Variants in CTNNA3 observed in about 807,000 individuals in gnomAD.
CTNNA3 encodes catenin alpha 3, also known as catenin alpha-3.
CTNNA3 carries 76 observed loss-of-function variants against 95.7 expected under a neutral mutation model. The observed-to-expected ratio is 0.79, with a 90% CI of 0.66 to 0.96. The LOEUF is 0.96. Ranked by LOEUF, CTNNA3 falls within the 40% of genes least tolerant of loss-of-function variation. CTNNA3 has a pLI of 0.00. For synonymous variants in CTNNA3, 431 were observed against 374.4 expected (o/e 1.15, Z -1.74); for missense variants, 1,191 against 1,089.8 (o/e 1.09, Z -1.31).
intron 3 of CTNNA3, among the ~76,000 whole-genome samples, chr10:67,574,496 C>T (rs1842079875): frequency 6.6e-6 from 1 of 152,040 alleles, no homozygotes; most frequent in Admixed American, 6.6e-5. Flanking sequence ...TCCACTTCCT[C>T]CCCCTTTACT....
chr10:66,993,215 G>C (rs926526907), intron 7 of CTNNA3, among the ~76,000 whole-genome samples: 3 of 152,128 alleles, frequency 2.0e-5, no homozygotes, highest in Non-Finnish European at 4.4e-5. Context: ...GTATCTCTAT[G>C]TGGCTATTTG....
At chr10:66,200,489 C>T (rs183909793) in intron 13 of CTNNA3, among the ~76,000 whole-genome samples, 15 of 152,140 alleles carry the variant, frequency 9.9e-5, no homozygotes, top group Admixed American at 2.0e-4. Flanking sequence ...TGTACTGAAG[C>T]GGTTTGAATA....
intron 11 of CTNNA3, among the ~76,000 whole-genome samples, chr10:66,476,903 T>C (rs1839346346): frequency 6.6e-6 from 1 of 152,084 alleles, no homozygotes; most frequent in African/African-American, 2.4e-5. Context: ...GAAATCTAGA[T>C]ATTTTTCTCA....
chr10:67,107,492 A>G (rs1858705426), intron 7 of CTNNA3, among the ~76,000 whole-genome samples: 1 of 152,238 alleles, frequency 6.6e-6, no homozygotes, highest in Non-Finnish European at 1.5e-5. Context: ...TTTAGAAGCT[A>G]ATAATTGTAA....
chr10:67,742,294 A>C (rs1841344801), intron 1 of CTNNA3, among the ~76,000 whole-genome samples: 1 of 151,304 alleles, frequency 6.6e-6, no homozygotes, highest in African/African-American at 2.4e-5. Context: ...AAATTATAAC[A>C]AACTGTCTCT....
intron 7 of CTNNA3, among the ~76,000 whole-genome samples, chr10:66,809,300 C>T (rs1296311779): frequency 1.3e-5 from 2 of 152,074 alleles, no homozygotes; most frequent in African/African-American, 4.8e-5. Flanking sequence ...AGGAACATAG[C>T]ATTTATTTCC....
intron 11 of CTNNA3, among the ~76,000 whole-genome samples, chr10:66,414,239 G>A (rs12255268): frequency 0.12 from 17,860 of 152,116 alleles, 1,522 homozygotes; most frequent in African/African-American, 0.24. Context: ...TGACTAGGGA[G>A]CATTTTGTAC....
At chr10:67,113,318 A>G (rs142584975) in intron 7 of CTNNA3, among the ~76,000 whole-genome samples, 1 of 152,228 alleles carries the variant, frequency 6.6e-6, no homozygotes, top group East Asian at 1.9e-4. Flanking sequence ...ATGCCCACGT[A>G]CCATTATCTC....
intron 13 of CTNNA3, among the ~76,000 whole-genome samples, chr10:66,259,748 A>G (rs1043138863): frequency 6.6e-6 from 1 of 152,124 alleles, no homozygotes; most frequent in Non-Finnish European, 1.5e-5. Flanking sequence ...TATATTGACT[A>G]TTACATAACT....
chr10:67,219,546 T>TTTA (rs1015709972), intron 6 of CTNNA3, 61 bp downstream of exon 6: 25 of 1,493,974 alleles, frequency 1.7e-5, no homozygotes, highest in Middle Eastern at 1.8e-4. Flanking sequence ...CTTCTTCTGT[T>TTTA]TTATTATTAT....
intron 13 of CTNNA3, among the ~76,000 whole-genome samples, chr10:66,109,639 T>C (rs2082042727): frequency 6.6e-6 from 1 of 152,098 alleles, no homozygotes; most frequent in Non-Finnish European, 1.5e-5. Context: ...AAGTTAAAAA[T>C]AAATTTACTT....
At position 66,053,256 on chromosome 10, in the gene CTNNA3, A is replaced by T. The variant is rs371713328; in HGVS notation, c.2159+16052T>A. 2.0e-4 allele frequency among the ~76,000 whole-genome samples: 30 copies of T among 152,152 alleles called. No homozygotes were observed. In the East Asian group the frequency reaches 2.1e-3, roughly 11 times the overall value. ...TTAATTCAATATTGTTTTTATAACT[A>T]CCTACCAATCACCATCTCAAAGAAA... is the stretch of plus-strand genomic sequence containing the variant. On this transcript the variant is annotated intron_variant, in intron 15 of 17. Transcript: ENST00000433211.
intron 11 of CTNNA3, among the ~76,000 whole-genome samples, chr10:66,381,235 T>G (rs1333166099): frequency 4.6e-5 from 7 of 152,180 alleles, no homozygotes; most frequent in African/African-American, 1.7e-4. Context: ...CTGAACAGTC[T>G]GTCCCCTTTG....
At chr10:67,308,753 A>C (rs1026081025) in intron 5 of CTNNA3, among the ~76,000 whole-genome samples, 3 of 152,212 alleles carry the variant, frequency 2.0e-5, no homozygotes, top group Non-Finnish European at 4.4e-5. Context: ...GACCCAGTTA[A>C]TCAATCCCTC....
intron 13 of CTNNA3, among the ~76,000 whole-genome samples, chr10:66,223,786 T>C (rs1268669542): frequency 1.3e-5 from 2 of 152,194 alleles, no homozygotes; most frequent in African/African-American, 4.8e-5. Context: ...TCTGGTTGTG[T>C]CTTTCAGCCT....
At chr10:67,350,971 T>C (rs1030106648) in intron 5 of CTNNA3, among the ~76,000 whole-genome samples, 1 of 150,912 alleles carries the variant, frequency 6.6e-6, no homozygotes, top group Admixed American at 6.6e-5. Context: ...ATAACCTGCA[T>C]TCCCCTCAAA....
At chr10:66,242,009 C>T (rs1252951859) in intron 13 of CTNNA3, among the ~76,000 whole-genome samples, 1 of 151,850 alleles carries the variant, frequency 6.6e-6, no homozygotes, top group Non-Finnish European at 1.5e-5. Flanking sequence ...ATATCTGTCT[C>T]CTCCAAAACT....
intron 7 of CTNNA3, among the ~76,000 whole-genome samples, chr10:67,082,519 C>T (rs1030399214): frequency 3.9e-5 from 6 of 152,114 alleles, no homozygotes; most frequent in Non-Finnish European, 8.8e-5. Context: ...AATGCATTTA[C>T]TATAGTAAGA....
intron 15 of CTNNA3, among the ~76,000 whole-genome samples, chr10:66,001,138 T>C (rs2078761909): frequency 6.6e-6 from 1 of 151,992 alleles, no homozygotes; most frequent in Admixed American, 6.6e-5. Flanking sequence ...AAAATATATA[T>C]ATATACTACA....
Sources: gnomAD v4.1 joint callset for allele counts (sites outside exome capture counted in the v4.1 genomes callset) on GRCh38, gnomAD v4.1.1 for gene constraint, MANE v1.5 for transcripts, NCBI Gene and HGNC (gene_info 2026-07-23, HGNC 2026-07-21) for gene names.